AKAP6: variants seen among roughly 807,000 people sequenced by gnomAD.
AKAP6 encodes the protein A-kinase anchor protein 6.
A neutral mutation model predicts 188.5 loss-of-function variants in AKAP6; 58 were observed. The ratio of observed to expected loss-of-function variants is 0.31; its 90% CI spans 0.25 to 0.38. The LOEUF is 0.38. Ranked by LOEUF, AKAP6 falls within the 10% of genes least tolerant of loss-of-function variation. The pLI, the probability that AKAP6 is intolerant of heterozygous loss-of-function variation, is 1.00. For missense variants in AKAP6, 2,710 were observed against 2,740.0 expected (o/e 0.99, Z 0.24); for synonymous variants, 989 against 998.6 (o/e 0.99, Z 0.18).
chr14:32,543,746 A>T (rs545049377), intron 3 of AKAP6, among the ~76,000 whole-genome samples: 2 of 152,304 alleles, frequency 1.3e-5, no homozygotes, highest in South Asian at 4.1e-4. Flanking sequence ...GTTTAAAGTA[A>T]TATCTAATGG....
At chr14:32,803,937 A>C (rs556837389) in intron 12 of AKAP6, among the ~76,000 whole-genome samples, 3 of 152,188 alleles carry the variant, frequency 2.0e-5, no homozygotes, top group Non-Finnish European at 4.4e-5. Flanking sequence ...ATCCTTGGCA[A>C]CTCACTCATT....
intron 2 of AKAP6, among the ~76,000 whole-genome samples, chr14:32,489,192 T>C (rs1021914074): frequency 6.6e-6 from 1 of 152,114 alleles, no homozygotes; most frequent in African/African-American, 2.4e-5. Flanking sequence ...CAATATGTAT[T>C]CCCTTTTTCA....
intron 7 of AKAP6, among the ~76,000 whole-genome samples, chr14:32,614,424 C>A (rs1490329703): frequency 6.6e-6 from 1 of 152,088 alleles, no homozygotes; most frequent in African/African-American, 2.4e-5. Context: ...TTGTGCAATG[C>A]CTTGAAATAG....
At chr14:32,715,225 T>C (rs1268182305) in intron 9 of AKAP6, among the ~76,000 whole-genome samples, 1 of 152,064 alleles carries the variant, frequency 6.6e-6, no homozygotes, top group African/African-American at 2.4e-5. Context: ...TTATCACATA[T>C]ATTTTGAAAA....
chr14:32,711,307 C>G (rs1424648679), intron 9 of AKAP6, among the ~76,000 whole-genome samples: 2 of 151,978 alleles, frequency 1.3e-5, no homozygotes, highest in Admixed American at 1.3e-4. Flanking sequence ...TTCTGGTAAC[C>G]AAAGAAAATC....
intron 1 of AKAP6, among the ~76,000 whole-genome samples, chr14:32,371,769 A>C (rs1040641340): frequency 2.0e-5 from 3 of 152,154 alleles, no homozygotes; most frequent in Admixed American, 2.0e-4. Context: ...AGGGTACCTC[A>C]AATGTGGAGA....
chr14:32,828,048 T>C (rs2034718896), intron 13 of AKAP6, among the ~76,000 whole-genome samples: 1 of 152,228 alleles, frequency 6.6e-6, no homozygotes, highest in Non-Finnish European at 1.5e-5. Context: ...TTAGAACTTT[T>C]TAGCTTTATT....
Position 32,374,087 on chromosome 14 carries a change from A to G in AKAP6, c.-35+44679A>G, listed in dbSNP as rs1024877313. 5.3e-5 allele frequency among the ~76,000 whole-genome samples: 8 copies of G among 152,236 alleles called. 1 individual carries two copies. The highest frequency in any genetic ancestry group is 1.4e-4 in the African/African-American group (6 of 41,458). On this transcript the variant is annotated intron_variant, in intron 1 of 13. Transcript: ENST00000280979. ...AGACAGCAACTTAAAACTTTGCGTA[A>G]GGAATAGCATACTTCTTAGTCTGGT... is the stretch of plus-strand genomic sequence containing the variant.
intron 11 of AKAP6, among the ~76,000 whole-genome samples, chr14:32,745,073 A>G (rs1217608183): frequency 6.6e-6 from 1 of 152,108 alleles, no homozygotes; most frequent in African/African-American, 2.4e-5. Context: ...GAAAGGTCAC[A>G]TATCTCTGTT....
At chr14:32,515,705 G>A (rs375547580) in intron 2 of AKAP6, among the ~76,000 whole-genome samples, 24 of 152,196 alleles carry the variant, frequency 1.6e-4, no homozygotes, top group East Asian at 5.8e-4. Flanking sequence ...GATGCCTAGC[G>A]TGATGCAAAG....
chr14:32,564,071 A>T (rs1256738276), intron 4 of AKAP6, among the ~76,000 whole-genome samples: 1 of 152,184 alleles, frequency 6.6e-6, no homozygotes, highest in East Asian at 1.9e-4. Context: ...TATAACCTAC[A>T]CACCTTGTGT....
In AKAP6 at chr14:32,361,057, C is replaced by CAT. The variant is rs1246514244; in HGVS notation, c.-35+31662_-35+31663dup. On this transcript the variant is annotated intron_variant, in intron 1 of 13. Transcript: ENST00000280979. Reference sequence around the variant, plus strand: ...AGCCACTGCACAAGGCCTGAACATACATATATATATATATTTGAGAAGCTT... The same window carrying CAT: ...AGCCACTGCACAAGGCCTGAACATACATATATATATATATATTTGAGAAGCTT... Among the ~76,000 whole-genome samples the CAT allele has an allele frequency of 2.1e-4, 27 of 126,574 alleles. 1 individual carries two copies. Among genetic ancestry groups the CAT allele is most frequent in the East Asian group, 1.3e-3 (4 of 3,130 alleles). The allele number at this position is 126,574 out of a possible 152,430, so 83.0% of individuals were successfully genotyped here. A position where few individuals can be genotyped will look rare whatever the true frequency, so the allele number is the denominator to read the frequency against.
At chr14:32,522,765 T>C (rs1251702377) in intron 2 of AKAP6, among the ~76,000 whole-genome samples, 1 of 152,312 alleles carries the variant, frequency 6.6e-6, no homozygotes, top group African/African-American at 2.4e-5. Context: ...GTTCAACCGT[T>C]GTGGAAGACA....
intron 4 of AKAP6, among the ~76,000 whole-genome samples, chr14:32,548,106 T>TC (rs61586761): frequency 0.14 from 20,396 of 148,122 alleles, 1,773 homozygotes; most frequent in African/African-American, 0.23. Flanking sequence ...TTTTTTTTTT[T>TC]TTTTTTTTCC....
At chr14:32,452,011 A>ATTTTTTT (rs61035125) in intron 2 of AKAP6, among the ~76,000 whole-genome samples, 2 of 66,194 alleles carry the variant, frequency 3.0e-5, no homozygotes, top group Non-Finnish European at 5.0e-5. Flanking sequence ...TTTTCTTTAC[A>ATTTTTTT]TTTTTTTTTT....
Position 32,411,569 on chromosome 14 carries a change from C to A in AKAP6, c.-34-21891C>A, listed in dbSNP as rs1428328980. 2.0e-5 allele frequency among the ~76,000 whole-genome samples: 3 copies of A among 152,068 alleles called. No homozygotes were observed. In the East Asian group the frequency reaches 5.8e-4, roughly 29 times the overall value. ...TTTTAGCTGGTTCTTAAATTGGCTT[C>A]CAGGTGATTATCTTAGGTTTAGGCC... On this transcript the variant is annotated intron_variant, in intron 1 of 13. Coordinates refer to ENST00000280979, the MANE Select transcript of AKAP6 (RefSeq NM_004274.5).
chr14:32,376,612 A>G (rs763478269), intron 1 of AKAP6, among the ~76,000 whole-genome samples: 1 of 152,252 alleles, frequency 6.6e-6, no homozygotes, highest in Non-Finnish European at 1.5e-5. Flanking sequence ...AAAACCAGAC[A>G]AAAGAACTAT....
At chr14:32,599,573 G>A in intron 6 of AKAP6, 67 bp downstream of exon 6, 2 of 1,204,168 alleles carry the variant, frequency 1.7e-6, no homozygotes, top group Non-Finnish European at 2.4e-6. Flanking sequence ...AAGCATTGCT[G>A]TAAATTACTG....
intron 2 of AKAP6, among the ~76,000 whole-genome samples, chr14:32,457,536 C>T (rs1056817808): frequency 2.9e-4 from 44 of 152,080 alleles, no homozygotes; most frequent in African/African-American, 8.5e-4. Context: ...AAAATCTTAA[C>T]CTTCTTGTTA....
Sources: allele counts gnomAD v4.1 joint callset (sites outside exome capture counted in the v4.1 genomes callset), GRCh38; gene constraint gnomAD v4.1.1; transcripts MANE v1.5; gene names NCBI Gene and HGNC (gene_info 2026-07-23, HGNC 2026-07-21).